The following NKD2 variants were observed in gnomAD, a reference collection of about 807,000 sequenced individuals.
The protein encoded by NKD2 is NKD inhibitor of Wnt signaling pathway 2.
In NKD2, 43 loss-of-function variants were observed where a neutral mutation model predicts 34.8. The ratio of observed to expected loss-of-function variants is 1.24; its 90% CI spans 0.97 to 1.60. NKD2 has a LOEUF of 1.60. Ranked by LOEUF, NKD2 falls within the 40% of genes most tolerant of loss-of-function variation. The pLI is 0.00. For missense variants in NKD2, 675 were observed against 627.1 expected, an observed-to-expected ratio of 1.08 and a Z score of -0.82; for synonymous variants, 278 against 265.1, an observed-to-expected ratio of 1.05 and a Z score of -0.47.
rs1428031287 is a variant in NKD2, at chr5:1,009,705, C to T, written c.141+145C>T. ...ACGAGTGACCGGGGGCCAGGAGAGC[C>T]AGTCTCTCCCCAGCCTCCACGACGT... On this transcript the variant is annotated intron_variant, in intron 3 of 9. Transcript: ENST00000296849. This position sits in a 1 kb window ranked among gnomAD's most constrained non-coding sequence, Gnocchi z 6.9. 2 of 632,956 alleles carry T rather than the reference C, an allele frequency of 3.2e-6. No individual in the cohort carries two copies. The highest frequency in any genetic ancestry group is 8.6e-5 in the Admixed American group (2 of 23,194). The allele number at this position is 632,956 out of a possible 1,614,324, so 39.2% of individuals were successfully genotyped here.
Position 1,030,014 on chromosome 5 carries a change from G to A in NKD2, c.142-2138G>A, listed in dbSNP as rs1560994546. ...TGGGTGCCTGAGGGGGGATTGTGGT[G>A]CGGGGGGGGGGGTACTGAGAACCCT... On this transcript the variant is annotated intron_variant, in intron 3 of 9. Transcript: ENST00000296849. 4.1e-5 allele frequency among the ~76,000 whole-genome samples: 6 copies of A among 146,912 alleles called. No homozygotes were observed. In the South Asian group the frequency reaches 8.9e-4, roughly 22 times the overall value.
chr5:1,016,842 A>G (rs1755972988), intron 3 of NKD2, among the ~76,000 whole-genome samples: 1 of 152,194 alleles, frequency 6.6e-6, no homozygotes, highest in South Asian at 2.1e-4. Flanking sequence ...AAAGGATAAC[A>G]GAGCCGACCT....
rs144397616 is a variant in NKD2 at position 1,038,776 on chromosome 5, C to T, written c.*403C>T. ...GTGACTGCTGTAGGCTGTCCCAGTGCGAGGCCGGGAGCGAATGGAAAAGCT... is the reference window on the plus strand; with the variant it reads ...GTGACTGCTGTAGGCTGTCCCAGTGTGAGGCCGGGAGCGAATGGAAAAGCT... On this transcript the variant is annotated 3_prime_UTR_variant, in exon 10 of 10. Transcript: ENST00000296849. This position sits in a 1 kb window ranked among gnomAD's most constrained non-coding sequence, Gnocchi z 4.5. 48 of 414,212 alleles carry T rather than the reference C, an allele frequency of 1.2e-4. No homozygotes were observed. The highest frequency in any genetic ancestry group is 1.1e-3 in the East Asian group (23 of 20,478). 25.7% of individuals were successfully genotyped at this position (414,212 alleles called of 1,614,324 possible). A position where few individuals can be genotyped will look rare whatever the true frequency, so the allele number is the denominator to read the frequency against.
chr5:1,030,331 C>T lies in NKD2; in HGVS notation c.142-1821C>T, dbSNP rs539242422. 6.0e-4 allele frequency among the ~76,000 whole-genome samples: 91 copies of T among 152,298 alleles called. 1 individual carries two copies. The South Asian group carries it at 6.0e-3, about 10-fold the overall frequency. On this transcript the variant is annotated intron_variant, in intron 3 of 9. Coordinates refer to ENST00000296849, the MANE Select transcript of NKD2 (RefSeq NM_033120.4). ...CAGTGCCTGCATCCCTCAGCCTGGG[C>T]ATTGGTGGCCTTGGCTGCCCTTATG...
chr5:1,033,511 T>C lies in NKD2; in HGVS notation c.330+12T>C, dbSNP rs1362550618. 3 of 1,543,916 alleles carry C rather than the reference T, an allele frequency of 1.9e-6. No homozygotes were observed. Among genetic ancestry groups the C allele is most frequent in the South Asian group, 1.2e-5 (1 of 83,592 alleles). On this transcript the variant is annotated intron_variant, in intron 5 of 9. Transcript: ENST00000296849. ...GCCTCAACATTGACGTGGGTCTCTC[T>C]CCGGCCTCACTTGCGGGAACACGTC...
At chr5:1,020,669 CTTTTT>C (rs576773512) in intron 3 of NKD2, among the ~76,000 whole-genome samples, 5 of 114,216 alleles carry the variant, frequency 4.4e-5, no homozygotes, top group African/African-American at 1.8e-4. Context: ...TGTTGCTTGT[CTTTTT>C]TTTTTTTTTT....
rs533313932 is a variant in NKD2 at position 1,034,769 on chromosome 5, T to A, written c.440T>A (p.Leu147His). The A allele has an allele frequency of 4.1e-5, 66 of 1,612,658 alleles. No homozygotes were observed. In the South Asian group the frequency reaches 7.0e-4, roughly 17 times the overall value. Reference sequence around the variant, plus strand: ...GCCGGGCCCCAGGACATGTCCAGCCTCATGCACACCATCTATGAGGTCGTG... The same window carrying A: ...GCCGGGCCCCAGGACATGTCCAGCCACATGCACACCATCTATGAGGTCGTG... ...GKVTREDMSS[L>H]MHTIYEVVDA... Residue 147 changes from leucine (L) to histidine (H), a missense_variant, in exon 7 of 10, where the codon CTC (leucine) becomes CAC (histidine). Leu to His is a moderately conservative substitution (Grantham distance 99, BLOSUM62 -3). Transcript: ENST00000296849.
chr5:1,037,555 A>G lies in NKD2; in HGVS notation c.788-250A>G, dbSNP rs556001340. 117 of 1,535,938 alleles carry G rather than the reference A, an allele frequency of 7.6e-5. No homozygotes were observed. In the East Asian group the frequency reaches 2.8e-3, roughly 37 times the overall value. ...GTGCGAGAAGAGAAGCTCCGCTCCC[A>G]GGACACACAGTGGGGACAAGGCTAG... is the stretch of plus-strand genomic sequence containing the variant. On this transcript the variant is annotated intron_variant, in intron 9 of 9. Coordinates refer to ENST00000296849, the MANE Select transcript of NKD2 (RefSeq NM_033120.4).
chr5:1,022,144 T>G (rs922319152), intron 3 of NKD2, among the ~76,000 whole-genome samples: 2 of 151,446 alleles, frequency 1.3e-5, no homozygotes, highest in African/African-American at 4.8e-5. Flanking sequence ...CCAGTGGCGC[T>G]GTCCCTGTCC....
rs546887905 is a variant in NKD2, at chr5:1,019,055, G to A, written c.141+9495G>A. On this transcript the variant is annotated intron_variant, in intron 3 of 9. Coordinates refer to ENST00000296849, the MANE Select transcript of NKD2 (RefSeq NM_033120.4). ...AAGGGCATAGCGACCAGGCCAGAGC[G>A]TCACCTTCCCGCTATCCCTGTGGCG... Among the ~76,000 whole-genome samples, 9 of 152,290 alleles carry A rather than the reference G, an allele frequency of 5.9e-5. No homozygotes were observed. In the South Asian group the frequency reaches 6.2e-4, roughly 11 times the overall value.
chr5:1,014,635 C>T (rs1755876545), intron 3 of NKD2, among the ~76,000 whole-genome samples: 1 of 152,200 alleles, frequency 6.6e-6, no homozygotes, highest in Non-Finnish European at 1.5e-5. Context: ...CACCCCAGGT[C>T]CAGGCCCCGA....
chr5:1,015,607 AAGCCTCAGG>A lies in NKD2; in HGVS notation c.141+6051_141+6059del, dbSNP rs1244681018. ...CTATGACACCCCTAGGGAGTTGGGG[AAGCCTCAGG>A]AGCATCAGGAAGCAGGAGGAAGCAG... is the stretch of plus-strand genomic sequence containing the variant. On this transcript the variant is annotated intron_variant, in intron 3 of 9. Coordinates refer to ENST00000296849, the MANE Select transcript of NKD2 (RefSeq NM_033120.4). 6.6e-5 allele frequency among the ~76,000 whole-genome samples: 10 copies of A among 152,264 alleles called. No individual in the cohort carries two copies. In the South Asian group the frequency reaches 1.2e-3, roughly 19 times the overall value.
intron 3 of NKD2, among the ~76,000 whole-genome samples, chr5:1,016,445 T>C (rs1755955580): frequency 6.6e-6 from 1 of 152,252 alleles, no homozygotes; most frequent in Non-Finnish European, 1.5e-5. Context: ...GGGTTTGTTT[T>C]CCTTTTGTTC....
intron 3 of NKD2, among the ~76,000 whole-genome samples, chr5:1,021,568 C>T (rs768174846): frequency 1.3e-5 from 2 of 151,744 alleles, no homozygotes; most frequent in Admixed American, 6.6e-5. Flanking sequence ...GCACATGTGT[C>T]GGAATTATTA....
chr5:1,020,633 C>T (rs1415620768), intron 3 of NKD2, among the ~76,000 whole-genome samples: 2 of 148,308 alleles, frequency 1.3e-5, no homozygotes, highest in Non-Finnish European at 3.0e-5. Flanking sequence ...GCTGCCTGGT[C>T]AAAAAGCCAG....
intron 6 of NKD2, 32 bp from the exon 7 acceptor site, chr5:1,034,724 G>T: frequency 6.2e-7 from 1 of 1,600,046 alleles, no homozygotes; most frequent in Non-Finnish European, 8.5e-7. Flanking sequence ...CCTGGGGTCT[G>T]CTCTGTCAGT....
intron 3 of NKD2, among the ~76,000 whole-genome samples, chr5:1,026,924 C>T (rs1756437840): frequency 6.6e-6 from 1 of 152,244 alleles, no homozygotes; most frequent in South Asian, 2.1e-4. Context: ...CTGCCTGAGC[C>T]CCACAAACTG....
At position 1,033,527 on chromosome 5, in the gene NKD2, G is replaced by C. The variant is rs948540232; in HGVS notation, c.330+28G>C. The C allele has an allele frequency of 3.0e-5, 46 of 1,531,576 alleles. 1 individual carries two copies. In the East Asian group the frequency reaches 3.7e-4, roughly 12 times the overall value. 94.9% of individuals were successfully genotyped at this position (1,531,576 alleles called of 1,614,324 possible). ...GGGTCTCTCTCCGGCCTCACTTGCG[G>C]GAACACGTCCCTGGGGCCGGGGGCT... On this transcript the variant is annotated intron_variant, in intron 5 of 9. Coordinates refer to ENST00000296849, the MANE Select transcript of NKD2 (RefSeq NM_033120.4).
chr5:1,013,063 C>T (rs979020373), intron 3 of NKD2, among the ~76,000 whole-genome samples: 5 of 152,200 alleles, frequency 3.3e-5, no homozygotes, highest in Admixed American at 6.5e-5. Flanking sequence ...GCTTGGTGCT[C>T]GGCCACGTGC....
Sources: allele counts gnomAD v4.1 joint callset (sites outside exome capture counted in the v4.1 genomes callset), GRCh38; gene constraint gnomAD v4.1.1; non-coding constraint Gnocchi (gnomAD v3.1); transcripts MANE v1.5; gene names NCBI Gene and HGNC (gene_info 2026-07-23, HGNC 2026-07-21).